AMBRA1: variants seen among roughly 807,000 people sequenced by gnomAD.
The protein encoded by AMBRA1 is activating molecule in BECN1-regulated autophagy protein 1.
AMBRA1 carries 47 observed loss-of-function variants against 125.4 expected under a neutral mutation model. The ratio of observed to expected loss-of-function variants is 0.37; its 90% CI spans 0.30 to 0.48. The LOEUF is 0.48. Among genes scored for constraint, AMBRA1 ranks in the 20% least tolerant of loss-of-function variants. The pLI, the probability that AMBRA1 is intolerant of heterozygous loss-of-function variation, is 0.99. For synonymous variants in AMBRA1, 626 were observed against 655.5 expected (o/e 0.95, Z 0.69); for missense variants, 1,331 against 1,693.4 (o/e 0.79, Z 3.76).
At chr11:46,539,283 C>A (rs987977554) in intron 7 of AMBRA1, among the ~76,000 whole-genome samples, 1 of 151,928 alleles carries the variant, frequency 6.6e-6, no homozygotes, top group Non-Finnish European at 1.5e-5. Flanking sequence ...ATCGGCCAGG[C>A]GCAGTGGCTC....
chr11:46,526,727 A>C (rs1027919217), intron 7 of AMBRA1, among the ~76,000 whole-genome samples: 3 of 147,660 alleles, frequency 2.0e-5, no homozygotes, highest in East Asian at 2.0e-4. Context: ...TCTACACCCC[A>C]CACACACAAA....
intron 1 of AMBRA1, among the ~76,000 whole-genome samples, chr11:46,578,769 T>A (rs2044057550): frequency 6.7e-6 from 1 of 149,334 alleles, no homozygotes; most frequent in African/African-American, 2.5e-5. Context: ...TAGTCCCAGC[T>A]ACTCAGGAGG....
At chr11:46,584,980 G>C (rs2044314218) in intron 1 of AMBRA1, among the ~76,000 whole-genome samples, 1 of 152,120 alleles carries the variant, frequency 6.6e-6, no homozygotes, top group Non-Finnish European at 1.5e-5. Context: ...GCTGAGGCAG[G>C]AGAAACGCTT....
At chr11:46,543,700 A>G (rs1488446930) in intron 6 of AMBRA1, among the ~76,000 whole-genome samples, 2 of 152,218 alleles carry the variant, frequency 1.3e-5, no homozygotes, top group African/African-American at 4.8e-5. Context: ...AATGTCAACC[A>G]GCCAGAGGCA....
At chr11:46,429,367 C>T (rs1947340379) in intron 14 of AMBRA1, among the ~76,000 whole-genome samples, 1 of 152,214 alleles carries the variant, frequency 6.6e-6, no homozygotes. Context: ...CGATGGAACT[C>T]GAACTCCACA....
chr11:46,593,800 G>A (rs1365776214), intron 1 of AMBRA1, 28 bp downstream of exon 1: 5 of 394,984 alleles, frequency 1.3e-5, no homozygotes, highest in Non-Finnish European at 2.2e-5. Context: ...ATGCCGGGCT[G>A]GGCCTCCCAG....
At chr11:46,587,619 G>A (rs1320381604) in intron 1 of AMBRA1, among the ~76,000 whole-genome samples, 2 of 152,112 alleles carry the variant, frequency 1.3e-5, no homozygotes, top group Non-Finnish European at 2.9e-5. Flanking sequence ...TATGACTGAA[G>A]ACTCTAATCC....
chr11:46,529,170 A>G (rs925037490), intron 7 of AMBRA1, among the ~76,000 whole-genome samples: 41 of 152,204 alleles, frequency 2.7e-4, no homozygotes, highest in African/African-American at 9.4e-4. Context: ...AGGTGCAGGC[A>G]TTCTTCTCCA....
intron 11 of AMBRA1, among the ~76,000 whole-genome samples, chr11:46,460,807 C>T (rs1949063648): frequency 6.6e-6 from 1 of 152,088 alleles, no homozygotes; most frequent in South Asian, 2.1e-4. Flanking sequence ...TGTTGGGAGG[C>T]CAGGCACGGT....
intron 1 of AMBRA1, among the ~76,000 whole-genome samples, chr11:46,588,775 CAAAA>C (rs201030293): frequency 2.0e-5 from 2 of 97,972 alleles, no homozygotes; most frequent in Admixed American, 1.2e-4. Context: ...AACTCCATCT[CAAAA>C]AAAAAAAAAA....
intron 11 of AMBRA1, among the ~76,000 whole-genome samples, chr11:46,461,794 A>G (rs1179976489): frequency 6.6e-6 from 1 of 152,250 alleles, no homozygotes; most frequent in African/African-American, 2.4e-5. Flanking sequence ...CCACAAAGGC[A>G]GAGACTCTAA....
intron 11 of AMBRA1, among the ~76,000 whole-genome samples, chr11:46,449,168 C>G (rs1001725425): frequency 6.6e-6 from 1 of 152,108 alleles, no homozygotes. Flanking sequence ...TTTTCAACAT[C>G]ATATTGGAAG....
rs73467919 is a variant in AMBRA1, at chr11:46,493,854, C to T, written c.2421-146G>A. 2,665 of 682,512 alleles carry T rather than the reference C, an allele frequency of 3.9e-3. 69 individuals are homozygous for T. The African/African-American group carries it at 0.043, about 11-fold the overall frequency. 42.3% of individuals were successfully genotyped at this position (682,512 alleles called of 1,614,324 possible). A position where few individuals can be genotyped will look rare whatever the true frequency, so the allele number is the denominator to read the frequency against. On this transcript the variant is annotated intron_variant, in intron 10 of 17. Coordinates refer to ENST00000683756, the MANE Select transcript of AMBRA1 (RefSeq NM_001387011.1). ...ATAAAATCTCCCAAGATTGGTCCTT[C>T]CGCAGATTTGTATCTATCTTTTTCT...
At chr11:46,423,983 G>A (rs1946990201) in intron 14 of AMBRA1, among the ~76,000 whole-genome samples, 1 of 148,642 alleles carries the variant, frequency 6.7e-6, no homozygotes, top group Non-Finnish European at 1.5e-5. Context: ...GGCTGGTCTC[G>A]AACTCCTAAT....
At chr11:46,516,915 G>A (rs1951516203) in intron 7 of AMBRA1, among the ~76,000 whole-genome samples, 1 of 151,842 alleles carries the variant, frequency 6.6e-6, no homozygotes, top group African/African-American at 2.4e-5. Context: ...GCTTGTTCAG[G>A]TTCGAAGCTG....
At position 46,541,798 on chromosome 11, in the gene AMBRA1, G is replaced by T; in HGVS notation, c.2072+147C>A. The T allele has an allele frequency of 2.7e-6, 3 of 1,111,930 alleles. No homozygotes were observed. The South Asian group carries it at 4.8e-5, about 18-fold the overall frequency. 68.9% of individuals were successfully genotyped at this position (1,111,930 alleles called of 1,614,324 possible). A position where few individuals can be genotyped will look rare whatever the true frequency, so the allele number is the denominator to read the frequency against. ...TATCCTATCTCTGCCACCAGAGCAA[G>T]ATTTTCCAAGAAAATGCAATGGCGA... On this transcript the variant is annotated intron_variant, in intron 7 of 17. Transcript: ENST00000683756.
chr11:46,499,039 G>A (rs1207233504), intron 9 of AMBRA1, among the ~76,000 whole-genome samples: 5 of 152,130 alleles, frequency 3.3e-5, no homozygotes, highest in African/African-American at 4.8e-5. Context: ...TTTCTGGAAG[G>A]AAGGCACAGC....
chr11:46,558,395 C>A (rs908935385), intron 1 of AMBRA1, among the ~76,000 whole-genome samples: 17 of 151,140 alleles, frequency 1.1e-4, no homozygotes, highest in African/African-American at 3.9e-4. Flanking sequence ...CTAAAAATAC[C>A]AAAATTAGCT....
chr11:46,477,264 A>G (rs980021073), intron 11 of AMBRA1, among the ~76,000 whole-genome samples: 30 of 152,072 alleles, frequency 2.0e-4, no homozygotes, highest in Admixed American at 6.6e-5. Flanking sequence ...TTATCAGACA[A>G]AAAAGGATAA....
Sources: allele counts gnomAD v4.1 joint callset (sites outside exome capture counted in the v4.1 genomes callset), GRCh38; gene constraint gnomAD v4.1.1; transcripts MANE v1.5; gene names NCBI Gene and HGNC (gene_info 2026-07-23, HGNC 2026-07-21).